The following TGFBR3 variants were observed in gnomAD, a reference collection of about 807,000 sequenced individuals.
TGFBR3 encodes the protein transforming growth factor beta receptor type 3.
A neutral mutation model predicts 87.9 loss-of-function variants in TGFBR3; 46 were observed. The ratio of observed to expected loss-of-function variants is 0.52; its 90% confidence interval spans 0.41 to 0.67. TGFBR3 has a LOEUF of 0.67. Ranked by LOEUF, TGFBR3 falls within the 30% of genes least tolerant of loss-of-function variation. The pLI is 0.00. For missense variants in TGFBR3, 866 were observed against 1,041.9 expected, an observed-to-expected ratio of 0.83 and a Z score of 2.32; for synonymous variants, 381 against 391.6, an observed-to-expected ratio of 0.97 and a Z score of 0.32.
intron 1 of TGFBR3, 107 bp from the exon 2 acceptor site, chr1:91,861,751 C>T (rs1214535562): frequency 1.8e-6 from 1 of 557,628 alleles, no homozygotes; most frequent in East Asian, 3.3e-5. Context: ...AGAAATTTAT[C>T]TTAAAAGATG....
chr1:91,839,446 G>C (rs183740970), intron 2 of TGFBR3, among the ~76,000 whole-genome samples: 3 of 152,098 alleles, frequency 2.0e-5, no homozygotes, highest in Non-Finnish European at 4.4e-5. Context: ...AAAATACTGC[G>C]TAATTTCAAA....
intron 5 of TGFBR3, among the ~76,000 whole-genome samples, chr1:91,734,476 A>G (rs1672886494): frequency 6.6e-6 from 1 of 151,958 alleles, no homozygotes. Context: ...ACCTCCACTT[A>G]CTTTTTTTGA....
intron 16 of TGFBR3, among the ~76,000 whole-genome samples, chr1:91,691,164 T>G (rs1671248912): frequency 6.6e-6 from 1 of 150,762 alleles, no homozygotes; most frequent in Non-Finnish European, 1.5e-5. Context: ...GAAAGGAAAA[T>G]TAAAGGACAA....
chr1:91,727,636 A>G (rs1330929623), intron 7 of TGFBR3, 23 bp downstream of exon 7: 13 of 1,614,020 alleles, frequency 8.1e-6, no homozygotes, highest in East Asian at 6.7e-5. Flanking sequence ...AAACAAAACA[A>G]AAGACATGCT....
At chr1:91,745,174 G>C (rs1673298272) in intron 4 of TGFBR3, among the ~76,000 whole-genome samples, 1 of 152,150 alleles carries the variant, frequency 6.6e-6, no homozygotes, top group Non-Finnish European at 1.5e-5. Flanking sequence ...GGCATTGGTG[G>C]AAGTTCAACA....
chr1:91,781,601 G>T (rs1298642282), intron 3 of TGFBR3, among the ~76,000 whole-genome samples: 1 of 152,088 alleles, frequency 6.6e-6, no homozygotes, highest in Admixed American at 6.5e-5. Flanking sequence ...ACATATGTAG[G>T]ACGTATACAC....
chr1:91,853,490 G>A (rs17131579), intron 2 of TGFBR3, among the ~76,000 whole-genome samples: 2,040 of 152,088 alleles, frequency 0.013, 102 homozygotes, highest in Admixed American at 0.091. Flanking sequence ...TTCACAGGCC[G>A]TTAACTCACA....
At chr1:91,695,975 GT>G (rs1354104386) in intron 15 of TGFBR3, among the ~76,000 whole-genome samples, 196 bp from the exon 16 acceptor site, 3 of 152,124 alleles carry the variant, frequency 2.0e-5, no homozygotes, top group African/African-American at 7.2e-5. Context: ...AAATTATCAG[GT>G]TTCCAAAGTA....
chr1:91,814,155 T>A (rs752413933), intron 2 of TGFBR3, among the ~76,000 whole-genome samples: 10 of 152,188 alleles, frequency 6.6e-5, no homozygotes, highest in African/African-American at 2.4e-5. Flanking sequence ...TCCATGTTGA[T>A]TAGAAGTCGG....
chr1:91,681,952 T>C lies in TGFBR3; in HGVS notation c.*1787A>G. Reference sequence around the variant, plus strand: ...TCTAAACTCATGTCTTCTTCGTTTGTATATGGAAATCTAGAAATTTTTCAG... The same window carrying C: ...TCTAAACTCATGTCTTCTTCGTTTGCATATGGAAATCTAGAAATTTTTCAG... On this transcript the variant is annotated 3_prime_UTR_variant, in exon 17 of 17. Transcript: ENST00000212355. The C allele has an allele frequency of 2.2e-6, 1 of 453,468 alleles. No individual in the cohort carries two copies. Among genetic ancestry groups the C allele is most frequent in the Non-Finnish European group, 4.4e-6 (1 of 226,678 alleles). 28.1% of individuals were successfully genotyped at this position (453,468 alleles called of 1,614,324 possible).
chr1:91,852,691 C>T (rs56085494), intron 2 of TGFBR3, among the ~76,000 whole-genome samples: 1 of 152,126 alleles, frequency 6.6e-6, no homozygotes, highest in African/African-American at 2.4e-5. Context: ...CTCAGCCTCT[C>T]GAGTAGCTGG....
intron 3 of TGFBR3, among the ~76,000 whole-genome samples, chr1:91,781,115 A>G (rs754063228): frequency 1.3e-5 from 2 of 152,320 alleles, no homozygotes; most frequent in East Asian, 1.9e-4. Context: ...CCCATGGCCT[A>G]TGATAGTCTC....
chr1:91,870,462 C>G (rs923956431), intron 1 of TGFBR3, among the ~76,000 whole-genome samples: 5 of 152,196 alleles, frequency 3.3e-5, no homozygotes, highest in Admixed American at 1.3e-4. Context: ...TACTTAGTTA[C>G]AAAGCCAAGA....
chr1:91,690,575 C>A (rs993179459), intron 16 of TGFBR3, among the ~76,000 whole-genome samples: 2 of 152,096 alleles, frequency 1.3e-5, no homozygotes, highest in Admixed American at 1.3e-4. Flanking sequence ...GCAGAATTTG[C>A]CATGCGCTTC....
intron 13 of TGFBR3, among the ~76,000 whole-genome samples, chr1:91,711,243 A>G (rs1671973612): frequency 6.6e-6 from 1 of 152,192 alleles, no homozygotes. Flanking sequence ...GTGCTCCCCA[A>G]TGATTATGAT....
intron 16 of TGFBR3, among the ~76,000 whole-genome samples, chr1:91,694,430 C>T (rs892400248): frequency 7.9e-5 from 12 of 152,208 alleles, no homozygotes; most frequent in Admixed American, 7.9e-4. Flanking sequence ...TGAAAGAGTC[C>T]ATTCCTCTCC....
chr1:91,753,153 A>G (rs1673612454), intron 4 of TGFBR3, among the ~76,000 whole-genome samples: 1 of 152,090 alleles, frequency 6.6e-6, no homozygotes, highest in Non-Finnish European at 1.5e-5. Context: ...TGGGAGGCCA[A>G]AGTGGGTGCA....
In TGFBR3 at chr1:91,797,450, C is replaced by T; in HGVS notation, c.83G>A (p.Cys28Tyr). 6.2e-7 allele frequency: 1 copy of T among 1,614,240 alleles called. No individual in the cohort carries two copies. Among genetic ancestry groups the T allele is most frequent in the Non-Finnish European group, 8.5e-7 (1 of 1,180,044 alleles). ...ATAGPEPGAL[C>Y]ELSPVSASHP... ...GGAGGCACTGACAGGTGACAGTTCA[C>T]ACAGTGCACCAGGCTCTGGACCTGC... The change falls in exon 3 of 17, where the codon TGT (cysteine) becomes TAT (tyrosine). Residue 28 changes from cysteine (C) to tyrosine (Y), a missense_variant. Physicochemically the swap from Cys to Tyr is radical, Grantham distance 194. Transcript: ENST00000212355.
intron 1 of TGFBR3, among the ~76,000 whole-genome samples, chr1:91,877,130 AT>A (rs1293078586): frequency 2.0e-5 from 3 of 152,064 alleles, no homozygotes; most frequent in Non-Finnish European, 4.4e-5. Flanking sequence ...AAACACGTAA[AT>A]CCCCTATTAT....
Sources: allele counts gnomAD v4.1 joint callset (sites outside exome capture counted in the v4.1 genomes callset), GRCh38; gene constraint gnomAD v4.1.1; transcripts MANE v1.5; gene names NCBI Gene and HGNC (gene_info 2026-07-23, HGNC 2026-07-21).